Variants in MYO15A observed in about 807,000 individuals in gnomAD.
MYO15A encodes unconventional myosin-XV.
Under a neutral mutation model 394.6 loss-of-function variants are expected in MYO15A, and 308 were observed. That is an observed-to-expected ratio of 0.78 (90% CI 0.71 to 0.86). MYO15A has a LOEUF of 0.86. Ranked by LOEUF, MYO15A falls within the 40% of genes least tolerant of loss-of-function variation. The pLI is 0.00. For missense variants in MYO15A, 4,606 were observed against 4,799.1 expected, an observed-to-expected ratio of 0.96 and a Z score of 1.19; for synonymous variants, 1,957 against 2,003.8, an observed-to-expected ratio of 0.98 and a Z score of 0.62.
chr17:18,172,036 C>G (rs1047400269), intron 63 of MYO15A, 121 bp from the exon 64 acceptor site: 1 of 1,540,898 alleles, frequency 6.5e-7, no homozygotes, highest in Non-Finnish European at 8.9e-7. Flanking sequence ...TGGGAGGAGA[C>G]CCAGACCAAG....
At chr17:18,173,233 T>G (rs2046967315) in intron 64 of MYO15A, among the ~76,000 whole-genome samples, 1 of 152,150 alleles carries the variant, frequency 6.6e-6, no homozygotes, top group Non-Finnish European at 1.5e-5. Context: ...TTCTGAGGCA[T>G]TAACTCTCTA....
Position 18,120,645 on chromosome 17 carries a change from T to C in MYO15A, c.1845T>C (p.Ala615=), listed in dbSNP as rs931257204. 16 of 1,594,696 alleles carry C rather than the reference T, an allele frequency of 1.0e-5. No homozygotes were observed. In the African/African-American group the frequency reaches 1.2e-4, roughly 12 times the overall value. The change falls in exon 2 of 66, where the codon GCT becomes GCC. Residue 615 remains alanine (A), a synonymous_variant. Coordinates refer to ENST00000647165, the MANE Select transcript of MYO15A (RefSeq NM_016239.4). Reference sequence around the variant, plus strand: ...ACAAACGCTTCGGCTACAAGCTGGCTGGCATGGACCCCGAGAAGCCCGGCA... The same window carrying C: ...ACAAACGCTTCGGCTACAAGCTGGCCGGCATGGACCCCGAGAAGCCCGGCA... ...AAYKRFGYKL[A]GMDPEKPGTP... is the part of the protein sequence containing the mutation.
chr17:18,163,601 C>G, intron 59 of MYO15A, 141 bp from the exon 60 acceptor site: 1 of 813,058 alleles, frequency 1.2e-6, no homozygotes, highest in Non-Finnish European at 2.0e-6. Context: ...GAGGCTGATT[C>G]TCAGAGACCT....
rs1355251844 is a variant in MYO15A, at chr17:18,158,808, G to A, written c.9084-117G>A. ...CCTGCCTCTGGGGGTCTTCGTGACC[G>A]GTAGACTGATCAGTGGTGGGTCAAG... On this transcript the variant is annotated intron_variant, in intron 52 of 65. Coordinates refer to ENST00000647165, the MANE Select transcript of MYO15A (RefSeq NM_016239.4). The A allele has an allele frequency of 1.6e-5, 23 of 1,410,644 alleles. No homozygotes were observed. In the South Asian group the frequency reaches 2.3e-4, roughly 14 times the overall value. 87.4% of individuals were successfully genotyped at this position (1,410,644 alleles called of 1,614,324 possible). A position where few individuals can be genotyped will look rare whatever the true frequency, so the allele number is the denominator to read the frequency against.
intron 61 of MYO15A, 111 bp from the exon 62 acceptor site, chr17:18,167,479 C>T (rs2046870994): frequency 2.6e-6 from 4 of 1,531,916 alleles, no homozygotes; most frequent in Non-Finnish European, 3.6e-6. Flanking sequence ...CATCCTACCC[C>T]AGAAGAGGAT....
chr17:18,157,034 A>G lies in MYO15A; in HGVS notation c.8682A>G (p.Ile2894Met). ...ALLAFHKGDI[I>M]HLQPLEPPRV... ...TGGCTTTCCACAAGGGTGACATCAT[A>G]CACCTGCAGCCCCTAGAGCCACCTC... is the stretch of plus-strand genomic sequence containing the variant. The change falls in exon 49 of 66, where the codon ATA becomes ATG. Residue 2894 changes from isoleucine to methionine, a missense_variant. Physicochemically the swap from Ile to Met is conservative, Grantham distance 10. Transcript: ENST00000647165. 6.2e-7 allele frequency: 1 copy of G among 1,614,112 alleles called. No individual in the cohort carries two copies. Among genetic ancestry groups the G allele is most frequent in the Non-Finnish European group, 8.5e-7 (1 of 1,180,024 alleles).
In MYO15A at chr17:18,131,323, G is replaced by A; in HGVS notation, c.4123G>A (p.Val1375Met). Residue 1375 changes from valine (V) to methionine (M), a missense_variant, in exon 9 of 66, where the codon GTG (valine) becomes ATG (methionine). Val to Met is a conservative substitution (Grantham distance 21, BLOSUM62 1). Around this residue, in one of 2 missense-constraint regions of MYO15A, gnomAD observed 2,776 missense variants for 3,109.3 expected, o/e 0.89. Transcript: ENST00000647165. ...NDNSSRFGKF[V>M]EIFLEGGVIS... ...CAACTCCAGCCGCTTTGGGAAGTTT[G>A]TGGAAATCTTTCTGGAAGGGTGAGT... The A allele has an allele frequency of 6.2e-7, 1 of 1,614,128 alleles. No homozygotes were observed. Among genetic ancestry groups the A allele is most frequent in the Non-Finnish European group, 8.5e-7 (1 of 1,180,008 alleles).
chr17:18,116,268 G>A (rs1447136010), intron 1 of MYO15A, among the ~76,000 whole-genome samples: 2 of 152,248 alleles, frequency 1.3e-5, no homozygotes, highest in Admixed American at 6.5e-5. Context: ...CCCCCTCCAG[G>A]CAGGAGCAGG....
rs1449780737 is a variant in MYO15A at position 18,148,875 on chromosome 17, C to T, written c.6879C>T (p.Leu2293=). The T allele has an allele frequency of 6.2e-7, 1 of 1,607,584 alleles. No homozygotes were observed. Among genetic ancestry groups the T allele is most frequent in the Admixed American group, 1.7e-5 (1 of 59,270 alleles). ...ACCTGGTGTCGGACCTGGAGCTGCT[C>T]AGGGACTTCCCTCGACAGAAGTCCT... ...VLDLVSDLEL[L]RDFPRQKSYF... The change falls in exon 33 of 66, where the codon CTC becomes CTT. Residue 2293 remains leucine (L), a synonymous_variant. Transcript: ENST00000647165. This position sits in a 1 kb window ranked among gnomAD's most constrained non-coding sequence, Gnocchi z 4.8.
chr17:18,117,928 C>T lies in MYO15A; in HGVS notation c.-219-654C>T, dbSNP rs542254766. Reference sequence around the variant, plus strand: ...GGAGATGGGGCATAGCTTATCACTCCCATTCTTCAGAGGAAACTGAGGCCC... The same window carrying T: ...GGAGATGGGGCATAGCTTATCACTCTCATTCTTCAGAGGAAACTGAGGCCC... On this transcript the variant is annotated intron_variant, in intron 1 of 65. Coordinates refer to ENST00000647165, the MANE Select transcript of MYO15A (RefSeq NM_016239.4). The surrounding 1 kb of genome is among the most constrained non-coding windows in gnomAD (Gnocchi z 4.1). 4.6e-5 allele frequency among the ~76,000 whole-genome samples: 7 copies of T among 152,262 alleles called. No homozygotes were observed. The highest frequency in any genetic ancestry group is 1.7e-4 in the African/African-American group (7 of 41,536).
rs537739000 is a variant in MYO15A at position 18,116,952 on chromosome 17, G to T, written c.-219-1630G>T. Among the ~76,000 whole-genome samples, 4 of 150,400 alleles carry T rather than the reference G, an allele frequency of 2.7e-5. No homozygotes were observed. In the South Asian group the frequency reaches 8.4e-4, roughly 32 times the overall value. On this transcript the variant is annotated intron_variant, in intron 1 of 65. Transcript: ENST00000647165. ...AAAAAAGAAAGAAAGAAAGAACATT[G>T]CCCCTGTCCTTCATTTTTCCTCAAG...
intron 59 of MYO15A, among the ~76,000 whole-genome samples, 189 bp from the exon 60 acceptor site, chr17:18,163,553 C>G (rs2046806389): frequency 6.6e-6 from 1 of 152,224 alleles, no homozygotes; most frequent in Non-Finnish European, 1.5e-5. Flanking sequence ...GATTTTAAAC[C>G]TAAGTCTCAG....
rs562914140 is a variant in MYO15A at position 18,152,143 on chromosome 17, C to T, written c.7925C>T (p.Pro2642Leu). 2.3e-5 allele frequency: 36 copies of T among 1,551,064 alleles called. 1 individual carries two copies. Among genetic ancestry groups the T allele is most frequent in the East Asian group, 9.8e-5 (4 of 40,992 alleles). Residue 2642 changes from proline (P) to leucine (L), a missense_variant, in exon 42 of 66, where the codon CCG (proline) becomes CTG (leucine). Pro to Leu is a moderately conservative substitution (Grantham distance 98, BLOSUM62 -3). Coordinates refer to ENST00000647165, the MANE Select transcript of MYO15A (RefSeq NM_016239.4). ...AGAGAGGCCGTGGCCCTGGTGAAGC[C>T]GGTGACCAGTGCACCAAGGCCATCC... The part of the protein sequence containing the change: ...VSREAVALVK[P>L]VTSAPRPSMA...
intron 1 of MYO15A, among the ~76,000 whole-genome samples, chr17:18,113,782 C>G (rs1417004754): frequency 6.9e-6 from 1 of 144,298 alleles, no homozygotes; most frequent in African/African-American, 2.6e-5. Flanking sequence ...AACTTATATT[C>G]TTAGCACCTC....
chr17:18,112,409 C>G (rs2955364), intron 1 of MYO15A, among the ~76,000 whole-genome samples: 137,075 of 151,516 alleles, frequency 0.9, 62,004 homozygotes, highest in South Asian at 0.95. Context: ...TTTGGGGGGT[C>G]GTGGGGGACA....
At chr17:18,142,993 C>T (rs962194712) in intron 25 of MYO15A, among the ~76,000 whole-genome samples, 153 bp downstream of exon 25, 1 of 152,190 alleles carries the variant, frequency 6.6e-6, no homozygotes, top group Non-Finnish European at 1.5e-5. Context: ...ATTGTCTATC[C>T]TCGATTTTCC....
intron 51 of MYO15A, chr17:18,158,271 G>C (rs529953483): frequency 1.0e-5 from 6 of 592,192 alleles, no homozygotes; most frequent in African/African-American, 9.3e-5. Context: ...CTGTGACGTG[G>C]CAGTTGCGGA....
Position 18,132,482 on chromosome 17 carries a change from C to A in MYO15A, c.4236C>A (p.Phe1412Leu). Residue 1412 changes from phenylalanine (F) to leucine (L), a missense_variant, in exon 11 of 66, where the codon TTC becomes TTA. Around this residue, in one of 2 missense-constraint regions of MYO15A, gnomAD observed 2,776 missense variants for 3,109.3 expected, o/e 0.89. Coordinates refer to ENST00000647165, the MANE Select transcript of MYO15A (RefSeq NM_016239.4). This position sits in a 1 kb window ranked among gnomAD's most constrained non-coding sequence, Gnocchi z 4.6. ...AAAACGAGAGGAATTACCACATCTT[C>A]TACGAGTTGCTGGCCGGGTTGCCTG... ...QAKNERNYHI[F>L]YELLAGLPAQ... 6.2e-7 allele frequency: 1 copy of A among 1,614,030 alleles called. No homozygotes were observed. The highest frequency in any genetic ancestry group is 8.5e-7 in the Non-Finnish European group (1 of 1,180,038).
chr17:18,144,396 C>G, intron 28 of MYO15A, 101 bp from the exon 29 acceptor site: 1 of 1,122,608 alleles, frequency 8.9e-7, no homozygotes, highest in South Asian at 1.2e-5. Context: ...ACCAAAGCCC[C>G]TGCCTCATAG....
Sources: allele counts gnomAD v4.1 joint callset (sites outside exome capture counted in the v4.1 genomes callset), GRCh38; gene constraint gnomAD v4.1.1; regional missense constraint gnomAD v4.1.1; non-coding constraint Gnocchi (gnomAD v3.1); transcripts MANE v1.5; gene names NCBI Gene and HGNC (gene_info 2026-07-23, HGNC 2026-07-21).